Variants in PTRH1 observed in about 807,000 individuals in gnomAD.
PTRH1 encodes peptidyl-tRNA hydrolase.
In PTRH1, 13 loss-of-function variants were observed where a neutral mutation model predicts 15.7. That is an observed-to-expected ratio of 0.83 (90% confidence interval 0.54 to 1.31). The LOEUF (loss-of-function observed/expected upper bound fraction) is 1.31, where lower values mean the gene tolerates loss of function less well. Among genes scored for constraint, PTRH1 ranks in the 40% most tolerant of loss-of-function variants. The pLI, the probability that PTRH1 is intolerant of heterozygous loss-of-function variation, is 0.00. For missense variants in PTRH1, 319 were observed against 296.2 expected (o/e 1.08, Z -0.56); for synonymous variants, 139 against 136.7 (o/e 1.02, Z -0.12).
chr9:127,710,764 C>CGG, downstream of PTRH1: 1 of 1,559,378 alleles, frequency 6.4e-7, no homozygotes. Flanking sequence ...GGTGGGCAAG[C>CGG]GGGGCACCCT....
intron 3 of PTRH1, 42 bp downstream of exon 3, chr9:127,714,561 G>A: frequency 1.9e-6 from 3 of 1,599,420 alleles, no homozygotes; most frequent in Non-Finnish European, 2.6e-6. Flanking sequence ...CAACTGGGAG[G>A]CCTGAAGCCC....
At chr9:127,708,083 C>G (rs532222412) in intron 1 of PTRH1, among the ~76,000 whole-genome samples, 1 of 152,332 alleles carries the variant, frequency 6.6e-6, no homozygotes, top group African/African-American at 2.4e-5. Flanking sequence ...GCCCTGGCCT[C>G]CTGACTCCCC....
chr9:127,713,464 G>T, downstream of PTRH1: 1 of 383,000 alleles, frequency 2.6e-6, no homozygotes, highest in East Asian at 4.7e-5. Flanking sequence ...GGATCCCCCT[G>T]AAGAGGCCTC....
At chr9:127,700,780 C>T (rs910828573) in intron 1 of PTRH1, among the ~76,000 whole-genome samples, 1 of 152,208 alleles carries the variant, frequency 6.6e-6, no homozygotes, top group Non-Finnish European at 1.5e-5. Context: ...AAAACAATTA[C>T]AATTCACCCA....
In PTRH1 at chr9:127,714,688, G is replaced by A. The variant is rs751543851; in HGVS notation, c.331C>T (p.Leu111=). 4 of 1,612,674 alleles carry A rather than the reference G, an allele frequency of 2.5e-6. No individual in the cohort carries two copies. Among genetic ancestry groups the A allele is most frequent in the Admixed American group, 3.3e-5 (2 of 59,894 alleles). Residue 111 remains leucine, a synonymous_variant, in exon 3 of 5, where the codon CTG becomes TTG. Coordinates refer to ENST00000543175, the MANE Select transcript of PTRH1 (RefSeq NM_001002913.3). ...SVARAAELFG[L]TAEEVYLVHD... is the part of the protein sequence containing the mutation. ...ACCAGGTAGACTTCCTCGGCAGTCA[G>A]CCCAAACAGCTCCGCTTAGCACAGG...
In PTRH1 at chr9:127,715,335, A is replaced by G; in HGVS notation, c.97-141T>C. 1 of 1,250,492 alleles carries G rather than the reference A, an allele frequency of 8.0e-7. No individual in the cohort carries two copies. 77.5% of individuals were successfully genotyped at this position (1,250,492 alleles called of 1,614,324 possible). Reference sequence around the variant, plus strand: ...AAGGGGCGCGAAGAAGGGGCCCAGAAACCCGACCCCTGAGAACTCCAGAAG... The same window carrying G: ...AAGGGGCGCGAAGAAGGGGCCCAGAGACCCGACCCCTGAGAACTCCAGAAG... On this transcript the variant is annotated intron_variant, in intron 1 of 4. Coordinates refer to ENST00000543175, the MANE Select transcript of PTRH1 (RefSeq NM_001002913.3). The surrounding 1 kb of genome is among the most constrained non-coding windows in gnomAD (Gnocchi z 5.8).
intron 1 of PTRH1, among the ~76,000 whole-genome samples, chr9:127,703,261 C>A (rs557847242): frequency 6.6e-6 from 1 of 151,804 alleles, no homozygotes; most frequent in East Asian, 2.0e-4. Flanking sequence ...GACCAGCCAA[C>A]ATGGTGAAAC....
At chr9:127,711,974 G>T (rs766353053), downstream of PTRH1, 3 of 1,593,206 alleles carry the variant, frequency 1.9e-6, no homozygotes, top group Non-Finnish European at 2.6e-6. Context: ...ACGGAGGGGC[G>T]GGCGGCGGGT....
downstream of PTRH1, chr9:127,713,138 C>T (rs772645395): frequency 5.0e-6 from 8 of 1,609,930 alleles, no homozygotes. Context: ...CCCACCCAAC[C>T]CCCAGGACCT....
intron 1 of PTRH1, among the ~76,000 whole-genome samples, chr9:127,703,719 A>G (rs760201407): frequency 2.6e-5 from 4 of 152,216 alleles, no homozygotes; most frequent in Non-Finnish European, 5.9e-5. Flanking sequence ...ACCCTGCTCT[A>G]TAAGTGGGTA....
downstream of PTRH1, chr9:127,711,296 C>A (rs1044007610): frequency 1.2e-6 from 2 of 1,614,028 alleles, no homozygotes; most frequent in African/African-American, 2.7e-5. Flanking sequence ...GACCACGAAC[C>A]GGATGTGGGA....
chr9:127,713,186 C>A (rs750433288), downstream of PTRH1: 1 of 1,561,118 alleles, frequency 6.4e-7, no homozygotes, highest in Non-Finnish European at 8.7e-7. Flanking sequence ...GGGGACCTTC[C>A]GGGCACACAG....
chr9:127,712,563 G>A (rs1842790754), downstream of PTRH1: 1 of 1,542,966 alleles, frequency 6.5e-7, no homozygotes, highest in South Asian at 1.2e-5. Context: ...AAAGGTCTTG[G>A]GCCTCAGTCT....
At chr9:127,712,164 G>C, downstream of PTRH1, 1 of 1,611,870 alleles carries the variant, frequency 6.2e-7, no homozygotes, top group Non-Finnish European at 8.5e-7. Context: ...CTGGGGAAGG[G>C]GGAAGGCTGT....
chr9:127,700,979 TA>T (rs1842599509), intron 1 of PTRH1, among the ~76,000 whole-genome samples: 2 of 152,244 alleles, frequency 1.3e-5, no homozygotes, highest in South Asian at 4.1e-4. Context: ...CTAATTGTAA[TA>T]TATTTAAATG....
intron 1 of PTRH1, among the ~76,000 whole-genome samples, chr9:127,696,719 G>A (rs1842563887): frequency 6.6e-6 from 1 of 152,174 alleles, no homozygotes; most frequent in South Asian, 2.1e-4. Flanking sequence ...AAAATTAGCT[G>A]GGCGTGGTGG....
At chr9:127,707,430 C>T (rs965293313) in intron 1 of PTRH1, among the ~76,000 whole-genome samples, 1 of 152,196 alleles carries the variant, frequency 6.6e-6, no homozygotes, top group African/African-American at 2.4e-5. Context: ...GCCCACGATG[C>T]TAGCTCGTGG....
downstream of PTRH1, chr9:127,712,180 C>A: frequency 6.2e-7 from 1 of 1,613,434 alleles, no homozygotes; most frequent in South Asian, 1.1e-5. Flanking sequence ...GCTGTTGACT[C>A]ATCCCAGTTG....
downstream of PTRH1, among the ~76,000 whole-genome samples, chr9:127,709,895 T>C (rs1457443675): frequency 2.6e-5 from 4 of 152,190 alleles, no homozygotes; most frequent in African/African-American, 9.7e-5. The surrounding 1 kb of genome is among the most constrained non-coding windows in gnomAD (Gnocchi z 4.7). Flanking sequence ...AGATGAAGTG[T>C]CGTGACCAAG....
Sources: gnomAD v4.1 joint callset for allele counts (sites outside exome capture counted in the v4.1 genomes callset) on GRCh38, gnomAD v4.1.1 for gene constraint, Gnocchi (gnomAD v3.1) non-coding constraint, MANE v1.5 for transcripts, NCBI Gene and HGNC (gene_info 2026-07-23, HGNC 2026-07-21) for gene names.